Variants in NCAPD3 observed in about 807,000 individuals in gnomAD.
The protein encoded by NCAPD3 is non-SMC condensin II complex subunit D3, also known as condensin-2 complex subunit D3.
A neutral mutation model predicts 182.9 loss-of-function variants in NCAPD3; 105 were observed. The ratio of observed to expected loss-of-function variants is 0.57; its 90% CI spans 0.49 to 0.68. The LOEUF (loss-of-function observed/expected upper bound fraction) is 0.68, where lower values mean the gene tolerates loss of function less well. Among genes scored for constraint, NCAPD3 ranks in the 30% least tolerant of loss-of-function variants. The probability of loss-of-function intolerance (pLI) is 0.00; values close to 1 mark genes in which losing one functional copy is unlikely to be tolerated. For missense variants in NCAPD3, 1,944 were observed against 1,837.0 expected (o/e 1.06, Z -1.07); for synonymous variants, 815 against 679.9 (o/e 1.20, Z -3.09).
In NCAPD3 at chr11:134,210,380, G is replaced by A; in HGVS notation, c.457C>T (p.Gln153Ter). Reference protein sequence around the residue: ...CIQTLKKSWPQESNLNRKRKK... With the variant: ...CIQTLKKSWP Reference sequence around the variant, plus strand: ...CTTTTCCGATTCAAGTTAGATTCCTGGGGCCAGCTCTTCTTTAGAGTCTGA... The same window carrying A: ...CTTTTCCGATTCAAGTTAGATTCCTAGGGCCAGCTCTTCTTTAGAGTCTGA... The change falls in exon 4 of 35, where the codon CAG (glutamine) becomes TAG (stop). Residue 153 changes from glutamine to a stop codon, truncating the protein, a stop_gained. Transcript: ENST00000534548. LOFTEE classifies it high-confidence loss of function. The A allele has an allele frequency of 6.2e-7, 1 of 1,614,078 alleles. No homozygotes were observed. Among genetic ancestry groups the A allele is most frequent in the South Asian group, 1.1e-5 (1 of 91,076 alleles).
upstream of NCAPD3, chr11:134,224,037 G>T: frequency 1.5e-6 from 2 of 1,293,816 alleles, no homozygotes; most frequent in Non-Finnish European, 2.2e-6. Context: ...TTTCCCACTG[G>T]CCAACCACCG....
rs557587542 is a variant in NCAPD3 at position 134,185,150 on chromosome 11, G to A, written c.2238-150C>T. On this transcript the variant is annotated intron_variant, in intron 17 of 34. Coordinates refer to ENST00000534548, the MANE Select transcript of NCAPD3 (RefSeq NM_015261.3). ...CTGTGGGAACATCAAGGCATTTAATGTACTTGGACAAAGGGGAAATGGGTG... is the reference window on the plus strand; with the variant it reads ...CTGTGGGAACATCAAGGCATTTAATATACTTGGACAAAGGGGAAATGGGTG... 1.5e-5 allele frequency: 13 copies of A among 878,268 alleles called. No homozygotes were observed. In the Admixed American group the frequency reaches 2.4e-4, roughly 16 times the overall value. 54.4% of individuals were successfully genotyped at this position (878,268 alleles called of 1,614,324 possible).
intron 24 of NCAPD3, among the ~76,000 whole-genome samples, chr11:134,170,265 CT>C (rs1351366427): frequency 6.6e-6 from 1 of 152,116 alleles, no homozygotes; most frequent in African/African-American, 2.4e-5. Context: ...ACGAGAATTC[CT>C]TGAGACAAAA....
At position 134,178,949 on chromosome 11, in the gene NCAPD3, T is replaced by C. The variant is rs906080844; in HGVS notation, c.2560-13A>G. The stretch of plus-strand genomic sequence containing the variant: ...AAATGTACTTCACCTACAAAGATAA[T>C]TGGTTTTACAGTAAAAATAAGGCAA... On this transcript the variant is annotated splice_polypyrimidine_tract_variant and intron_variant, in intron 20 of 34. Transcript: ENST00000534548. 3 of 1,587,438 alleles carry C rather than the reference T, an allele frequency of 1.9e-6. No homozygotes were observed. Among genetic ancestry groups the C allele is most frequent in the Admixed American group, 1.7e-5 (1 of 59,736 alleles).
intron 16 of NCAPD3, among the ~76,000 whole-genome samples, chr11:134,190,617 G>A (rs930043068): frequency 6.6e-6 from 1 of 152,174 alleles, no homozygotes; most frequent in Non-Finnish European, 1.5e-5. Context: ...CTCCCAAGTA[G>A]CTGGGACTAC....
chr11:134,182,313 G>A (rs80265432), intron 19 of NCAPD3, among the ~76,000 whole-genome samples: 1,944 of 152,220 alleles, frequency 0.013, 36 homozygotes, highest in African/African-American at 0.044. Context: ...CACCATTTTG[G>A]GCAGACCTCA....
At chr11:134,165,321 CAT>C (rs1337965580) in intron 27 of NCAPD3, among the ~76,000 whole-genome samples, 6 of 145,906 alleles carry the variant, frequency 4.1e-5, no homozygotes, top group South Asian at 2.2e-4. Flanking sequence ...TCACTTGTGA[CAT>C]GAGCTTAAGT....
At chr11:134,160,783 C>T (rs1943555730) in intron 28 of NCAPD3, among the ~76,000 whole-genome samples, 2 of 152,104 alleles carry the variant, frequency 1.3e-5, no homozygotes, top group African/African-American at 4.8e-5. Context: ...ATGCACTTTT[C>T]CAGCTGCCAC....
Position 134,210,626 on chromosome 11 carries a change from G to A in NCAPD3, c.383-172C>T, listed in dbSNP as rs895423694. Among the ~76,000 whole-genome samples, 6 of 152,204 alleles carry A rather than the reference G, an allele frequency of 3.9e-5. No homozygotes were observed. The South Asian group carries it at 8.3e-4, about 21-fold the overall frequency. The stretch of plus-strand genomic sequence containing the variant: ...CGTCAGCCTTAGTAGAGGAGACAGC[G>A]CTGCATCAGAGGTAAGTAACAAGAT... On this transcript the variant is annotated intron_variant, in intron 3 of 34. Coordinates refer to ENST00000534548, the MANE Select transcript of NCAPD3 (RefSeq NM_015261.3).
rs1042408629 is a variant in NCAPD3, at chr11:134,192,322, G to T, written c.2045+367C>A. On this transcript the variant is annotated intron_variant, in intron 16 of 34. Transcript: ENST00000534548. ...TAGTTAAGTCAATTAATCCAATGAG[G>T]TGTTAAAAACAGTTTAACTTGCAGG... 2.6e-5 allele frequency among the ~76,000 whole-genome samples: 4 copies of T among 152,158 alleles called. No individual in the cohort carries two copies. The South Asian group carries it at 6.2e-4, about 24-fold the overall frequency.
upstream of NCAPD3, chr11:134,224,515 CAT>C (rs1938378273): frequency 1.3e-5 from 2 of 152,638 alleles, no homozygotes; most frequent in Non-Finnish European, 2.9e-5. Flanking sequence ...TAGCAGCTGC[CAT>C]GCCGACCGCT....
chr11:134,206,936 G>A (rs1937626863), intron 7 of NCAPD3, among the ~76,000 whole-genome samples: 1 of 152,178 alleles, frequency 6.6e-6, no homozygotes, highest in South Asian at 2.1e-4. Flanking sequence ...GTGAAAGAAT[G>A]GCTGACAGAT....
Position 134,181,710 on chromosome 11 carries a change from T to C in NCAPD3, c.2452-526A>G, listed in dbSNP as rs1037421457. 5.3e-5 allele frequency among the ~76,000 whole-genome samples: 8 copies of C among 152,330 alleles called. No homozygotes were observed. The East Asian group carries it at 1.3e-3, about 26-fold the overall frequency. ...TAGTGCACATTGGACTGTTCCTCTA[T>C]GCCAAGGAAGAGAGAGAGCTCCCAA... On this transcript the variant is annotated intron_variant, in intron 19 of 34. Transcript: ENST00000534548.
intron 16 of NCAPD3, among the ~76,000 whole-genome samples, chr11:134,192,059 T>C (rs1944534613): frequency 6.6e-6 from 1 of 152,204 alleles, no homozygotes; most frequent in South Asian, 2.1e-4. Flanking sequence ...GCTCAACCTG[T>C]ACTGAGAAAA....
chr11:134,158,615 AATG>A, intron 29 of NCAPD3, 120 bp from the exon 30 acceptor site: 2 of 1,072,296 alleles, frequency 1.9e-6, no homozygotes, highest in Non-Finnish European at 2.7e-6. Context: ...TGGACAACGT[AATG>A]ATCAAATCAG....
chr11:134,184,156 C>A (rs1944350681), intron 19 of NCAPD3, among the ~76,000 whole-genome samples: 1 of 152,220 alleles, frequency 6.6e-6, no homozygotes. Context: ...CTATAGGCAA[C>A]TGTGGGGACA....
chr11:134,187,128 C>G (rs557754729), intron 16 of NCAPD3, among the ~76,000 whole-genome samples: 2 of 152,166 alleles, frequency 1.3e-5, no homozygotes, highest in Non-Finnish European at 2.9e-5. Context: ...AGCCATTCCC[C>G]ACCTGGGCAG....
At chr11:134,191,065 GAAGCCTTCA>G (rs1170534838) in intron 16 of NCAPD3, among the ~76,000 whole-genome samples, 1 of 152,146 alleles carries the variant, frequency 6.6e-6, no homozygotes, top group African/African-American at 2.4e-5. Flanking sequence ...TTCCTCTGCT[GAAGCCTTCA>G]ATGCACATCT....
At chr11:134,224,693 G>A (rs546332723), upstream of NCAPD3, 1 of 151,964 alleles carries the variant, frequency 6.6e-6, no homozygotes, top group Non-Finnish European at 1.5e-5. Flanking sequence ...GCGCCTCGGT[G>A]CGTTGCACCG....
Sources: allele counts gnomAD v4.1 joint callset (sites outside exome capture counted in the v4.1 genomes callset), GRCh38; gene constraint gnomAD v4.1.1; transcripts MANE v1.5; gene names NCBI Gene and HGNC (gene_info 2026-07-23, HGNC 2026-07-21).